Variants in FGF12 observed in about 807,000 individuals in gnomAD.
FGF12 encodes the protein fibroblast growth factor 12, also known as fibroblast growth factor 12B.
FGF12 carries 14 observed loss-of-function variants against 23.6 expected under a neutral mutation model. The ratio of observed to expected loss-of-function variants is 0.59; its 90% CI spans 0.39 to 0.93. The LOEUF is 0.93. FGF12 is among the 40% of genes least tolerant of loss of function. The pLI, the probability that FGF12 is intolerant of heterozygous loss-of-function variation, is 0.00. For synonymous variants in FGF12, 62 were observed against 77.3 expected (o/e 0.80, Z 1.04); for missense variants, 175 against 217.8 (o/e 0.80, Z 1.24).
At chr3:192,168,013 C>A (rs951353130) in intron 5 of FGF12, among the ~76,000 whole-genome samples, 1 of 151,562 alleles carries the variant, frequency 6.6e-6, no homozygotes, top group Non-Finnish European at 1.5e-5. Flanking sequence ...GATCCGCCCA[C>A]CTCGGTCTCC....
intron 2 of FGF12, among the ~76,000 whole-genome samples, chr3:192,491,401 T>G (rs1247316479): frequency 6.6e-6 from 1 of 152,122 alleles, no homozygotes; most frequent in African/African-American, 2.4e-5. Flanking sequence ...ATCAGCTGTT[T>G]TGTGTGCTTT....
intron 2 of FGF12, among the ~76,000 whole-genome samples, chr3:192,494,860 A>AT (rs1491193341): frequency 3.0e-5 from 4 of 134,942 alleles, no homozygotes; most frequent in African/African-American, 5.5e-5. Context: ...ATATATATAT[A>AT]AAATACATTT....
rs1429579415 is a variant in FGF12, at chr3:192,243,186, A to G, written c.229-72530T>C. ...TAAATATATCTATAAATAAAATACC[A>G]AAAGAAAATCTGAGAGAACTGAAAA... On this transcript the variant is annotated intron_variant, in intron 4 of 5. Coordinates refer to ENST00000445105, the MANE Select transcript of FGF12 (RefSeq NM_004113.6). 1.4e-4 allele frequency among the ~76,000 whole-genome samples: 22 copies of G among 152,106 alleles called. 1 individual carries two copies. Among genetic ancestry groups the G allele is most frequent in the Admixed American group, 1.4e-3 (22 of 15,276 alleles).
intron 4 of FGF12, among the ~76,000 whole-genome samples, chr3:192,182,653 C>CA (rs1474868234): frequency 3.3e-5 from 5 of 152,158 alleles, no homozygotes; most frequent in Admixed American, 2.0e-4. Context: ...CACTGGACCT[C>CA]AGTACAAGGG....
At chr3:192,577,099 A>C (rs1195939766) in intron 2 of FGF12, among the ~76,000 whole-genome samples, 1 of 152,162 alleles carries the variant, frequency 6.6e-6, no homozygotes, top group East Asian at 1.9e-4. Flanking sequence ...AGAAATACCT[A>C]ATGTAGATGA....
At chr3:192,675,863 A>G (rs190141431) in intron 2 of FGF12, among the ~76,000 whole-genome samples, 3 of 152,352 alleles carry the variant, frequency 2.0e-5, no homozygotes, top group Admixed American at 1.3e-4. Flanking sequence ...TCTGCACAGC[A>G]TGGCTCACCA....
In FGF12 at chr3:192,398,590, C is replaced by A. The variant is rs191173206; in HGVS notation, c.14-38052G>T. Reference sequence around the variant, plus strand: ...AAAGACAGGGTTTCACCATGTTGACCAGACTGGTCTCGAACTCCTAACCTC... The same window carrying A: ...AAAGACAGGGTTTCACCATGTTGACAAGACTGGTCTCGAACTCCTAACCTC... On this transcript the variant is annotated intron_variant, in intron 2 of 5. Transcript: ENST00000445105. Among the ~76,000 whole-genome samples, 520 of 152,158 alleles carry A rather than the reference C, an allele frequency of 3.4e-3. 1 individual carries two copies. The highest frequency in any genetic ancestry group is 0.012 in the African/African-American group (500 of 41,498).
At chr3:192,253,726 T>G (rs1712188310) in intron 4 of FGF12, among the ~76,000 whole-genome samples, 1 of 152,034 alleles carries the variant, frequency 6.6e-6, no homozygotes, top group African/African-American at 2.4e-5. Flanking sequence ...CCTGAGACTC[T>G]CGGCATAAAA....
chr3:192,366,884 A>G (rs1301393524), intron 2 of FGF12, among the ~76,000 whole-genome samples: 1 of 152,216 alleles, frequency 6.6e-6, no homozygotes, highest in Non-Finnish European at 1.5e-5. Flanking sequence ...GGCTCCACAG[A>G]GATAGACCTA....
chr3:192,486,252 C>T (rs1306406839), intron 2 of FGF12, among the ~76,000 whole-genome samples: 1 of 152,046 alleles, frequency 6.6e-6, no homozygotes, highest in Non-Finnish European at 1.5e-5. Flanking sequence ...TTCTTATCCT[C>T]AAGTAGTTTA....
chr3:192,164,641 A>C (rs111877222), intron 5 of FGF12, among the ~76,000 whole-genome samples: 6 of 152,248 alleles, frequency 3.9e-5, no homozygotes, highest in African/African-American at 1.4e-4. Context: ...CAAAACCCAA[A>C]GCCAAAAAAA....
At chr3:192,627,471 T>A (rs553521751) in intron 2 of FGF12, among the ~76,000 whole-genome samples, 1 of 152,208 alleles carries the variant, frequency 6.6e-6, no homozygotes, top group East Asian at 1.9e-4. Context: ...AGGTGTGAAA[T>A]TATCATGCCA....
At chr3:192,314,791 T>A (rs954390799) in intron 4 of FGF12, among the ~76,000 whole-genome samples, 3 of 152,192 alleles carry the variant, frequency 2.0e-5, no homozygotes, top group Admixed American at 6.5e-5. Flanking sequence ...TTCTTCTTAG[T>A]GAGGTTTTGT....
intron 2 of FGF12, among the ~76,000 whole-genome samples, chr3:192,418,457 C>T (rs779568676): frequency 6.6e-6 from 1 of 152,050 alleles, no homozygotes; most frequent in East Asian, 1.9e-4. Context: ...CTTTGAACCA[C>T]AGAAAAATAT....
intron 2 of FGF12, among the ~76,000 whole-genome samples, chr3:192,384,662 A>G (rs1719967827): frequency 6.6e-6 from 1 of 152,330 alleles, no homozygotes; most frequent in Non-Finnish European, 1.5e-5. Flanking sequence ...ATACACATAC[A>G]CACGCACATA....
chr3:192,419,710 A>G (rs899314152), intron 2 of FGF12, among the ~76,000 whole-genome samples: 2 of 152,170 alleles, frequency 1.3e-5, no homozygotes, highest in African/African-American at 4.8e-5. Flanking sequence ...TAAAAAAGGG[A>G]AAATAAGGAA....
At chr3:192,331,127 T>C (rs11924567) in intron 4 of FGF12, among the ~76,000 whole-genome samples, 26,132 of 151,780 alleles carry the variant, frequency 0.17, 2,454 homozygotes, top group East Asian at 0.28. Flanking sequence ...TTACTACTAG[T>C]TATTAGAGAA....
intron 4 of FGF12, among the ~76,000 whole-genome samples, chr3:192,329,811 A>C (rs1717013938): frequency 6.6e-6 from 1 of 152,212 alleles, no homozygotes; most frequent in Admixed American, 6.5e-5. Context: ...GTCTATGTAT[A>C]AGGTAAAATT....
At chr3:192,345,340 A>G (rs903856994) in intron 3 of FGF12, among the ~76,000 whole-genome samples, 2 of 152,222 alleles carry the variant, frequency 1.3e-5, no homozygotes, top group African/African-American at 2.4e-5. Flanking sequence ...GAAAAAGCTA[A>G]GCTGTGAACC....
Sources: allele counts gnomAD v4.1 joint callset (sites outside exome capture counted in the v4.1 genomes callset), GRCh38; gene constraint gnomAD v4.1.1; transcripts MANE v1.5; gene names NCBI Gene and HGNC (gene_info 2026-07-23, HGNC 2026-07-21).